UNC5D: variants seen among roughly 807,000 people sequenced by gnomAD.
UNC5D encodes the protein unc-5 netrin receptor D.
UNC5D carries 39 observed loss-of-function variants against 105.4 expected under a neutral mutation model. The ratio of observed to expected loss-of-function variants is 0.37; its 90% CI spans 0.29 to 0.48. The LOEUF (loss-of-function observed/expected upper bound fraction) is 0.48, where lower values mean the gene tolerates loss of function less well. UNC5D is among the 20% of genes least tolerant of loss of function. UNC5D has a pLI of 0.98. For missense variants in UNC5D, 991 were observed against 1,202.4 expected, an observed-to-expected ratio of 0.82 and a Z score of 2.60; for synonymous variants, 452 against 450.4, an observed-to-expected ratio of 1.00 and a Z score of -0.04.
chr8:35,571,913 A>G (rs1182512695), intron 3 of UNC5D, among the ~76,000 whole-genome samples: 1 of 152,182 alleles, frequency 6.6e-6, no homozygotes, highest in South Asian at 2.1e-4. Context: ...AATATTGTTC[A>G]TTAAATTGTT....
At chr8:35,582,411 A>G (rs533583265) in intron 3 of UNC5D, among the ~76,000 whole-genome samples, 1 of 152,332 alleles carries the variant, frequency 6.6e-6, no homozygotes, top group Non-Finnish European at 1.5e-5. Flanking sequence ...GCTACCCAAA[A>G]GGTGAAAAAC....
At chr8:35,643,534 A>T (rs1822876266) in intron 4 of UNC5D, among the ~76,000 whole-genome samples, 1 of 151,950 alleles carries the variant, frequency 6.6e-6, no homozygotes, top group Non-Finnish European at 1.5e-5. Flanking sequence ...TATTTTTAGT[A>T]GAGACAGGGT....
At chr8:35,555,523 A>C (rs1586122167) in intron 2 of UNC5D, among the ~76,000 whole-genome samples, 1 of 152,150 alleles carries the variant, frequency 6.6e-6, no homozygotes, top group African/African-American at 2.4e-5. Context: ...AAGTGTGTAC[A>C]TTGATTTAAA....
chr8:35,263,099 C>T (rs530146505), intron 1 of UNC5D, among the ~76,000 whole-genome samples: 81 of 152,248 alleles, frequency 5.3e-4, no homozygotes, highest in Admixed American at 1.6e-3. Flanking sequence ...CATAGCTCTG[C>T]ACCTTCACAT....
chr8:35,658,081 T>A (rs145308243), intron 4 of UNC5D, among the ~76,000 whole-genome samples: 160 of 152,328 alleles, frequency 1.1e-3, no homozygotes, highest in African/African-American at 3.7e-3. Flanking sequence ...TAATATCTAA[T>A]CCCTAACAGA....
chr8:35,242,110 C>T (rs893530290), intron 1 of UNC5D, among the ~76,000 whole-genome samples: 3 of 152,154 alleles, frequency 2.0e-5, no homozygotes, highest in Non-Finnish European at 4.4e-5. Flanking sequence ...TGCAAAAGAA[C>T]CCTCCTTCCC....
At chr8:35,771,115 T>C (rs1323698450) in intron 15 of UNC5D, among the ~76,000 whole-genome samples, 2 of 152,194 alleles carry the variant, frequency 1.3e-5, no homozygotes, top group African/African-American at 4.8e-5. Flanking sequence ...GACCCACTTA[T>C]TAATGTGTAG....
At chr8:35,624,201 T>C (rs952830882) in intron 4 of UNC5D, among the ~76,000 whole-genome samples, 49 of 152,256 alleles carry the variant, frequency 3.2e-4, no homozygotes, top group African/African-American at 1.2e-3. Context: ...AGATTAGTCA[T>C]CTTCACTCAC....
chr8:35,331,699 AAGG>A (rs2128894265), intron 1 of UNC5D, among the ~76,000 whole-genome samples: 1 of 152,120 alleles, frequency 6.6e-6, no homozygotes, highest in East Asian at 1.9e-4. Flanking sequence ...AGAAGATTTG[AAGG>A]AGAATTGAAC....
At chr8:35,434,230 C>T (rs1040620473) in intron 1 of UNC5D, among the ~76,000 whole-genome samples, 6 of 151,944 alleles carry the variant, frequency 3.9e-5, no homozygotes, top group African/African-American at 7.2e-5. Context: ...CGTATCAGCT[C>T]ATGTATAAAA....
At chr8:35,736,137 T>C (rs73586703) in intron 11 of UNC5D, among the ~76,000 whole-genome samples, 14,803 of 152,134 alleles carry the variant, frequency 0.097, 2,080 homozygotes, top group African/African-American at 0.31. Flanking sequence ...ACCCCCTCCT[T>C]CTGCCAAGCC....
chr8:35,531,007 T>G (rs1400050548), intron 1 of UNC5D, among the ~76,000 whole-genome samples: 1 of 151,154 alleles, frequency 6.6e-6, no homozygotes, highest in Non-Finnish European at 1.5e-5. Flanking sequence ...GCTCCTGGAT[T>G]CATTGATTTT....
chr8:35,264,221 G>T (rs928894327), intron 1 of UNC5D, among the ~76,000 whole-genome samples: 24 of 152,128 alleles, frequency 1.6e-4, no homozygotes, highest in African/African-American at 5.3e-4. Flanking sequence ...TAATCTATTT[G>T]CTCAGGCACT....
chr8:35,586,649 A>G (rs1490041645), intron 3 of UNC5D, among the ~76,000 whole-genome samples: 1 of 152,130 alleles, frequency 6.6e-6, no homozygotes, highest in Admixed American at 6.5e-5. Context: ...TCAGAGAAAT[A>G]TGGGTGGCAA....
intron 1 of UNC5D, among the ~76,000 whole-genome samples, chr8:35,454,847 C>G (rs1808380711): frequency 6.6e-6 from 1 of 152,122 alleles, no homozygotes; most frequent in African/African-American, 2.4e-5. Flanking sequence ...AAAAATTTTC[C>G]TATCTACCGT....
intron 1 of UNC5D, among the ~76,000 whole-genome samples, chr8:35,273,775 G>A (rs1333389144): frequency 6.6e-6 from 1 of 152,150 alleles, no homozygotes; most frequent in Non-Finnish European, 1.5e-5. Flanking sequence ...CATAAAATCG[G>A]TTGCTTTTCC....
chr8:35,346,016 T>A (rs1159341330), intron 1 of UNC5D, among the ~76,000 whole-genome samples: 3 of 152,076 alleles, frequency 2.0e-5, no homozygotes, highest in African/African-American at 7.2e-5. Flanking sequence ...ATTTTTAACA[T>A]GCTGAAATTC....
chr8:35,641,366 C>CAAAAAAAAAAAAAAAAAGA (rs1822707698), intron 4 of UNC5D, among the ~76,000 whole-genome samples: 9 of 44,280 alleles, frequency 2.0e-4, no homozygotes, highest in East Asian at 8.4e-4. Context: ...AAAAATAAAG[C>CAAAAAAAAAAAAAAAAAGA]AAAAAAAAAA....
chr8:35,585,852 G>A (rs1021002660), intron 3 of UNC5D, among the ~76,000 whole-genome samples: 2 of 151,902 alleles, frequency 1.3e-5, no homozygotes, highest in Admixed American at 1.3e-4. Flanking sequence ...ACGTGGCATT[G>A]TCCTTTAATG....
Sources: gnomAD v4.1 joint callset for allele counts (sites outside exome capture counted in the v4.1 genomes callset) on GRCh38, gnomAD v4.1.1 for gene constraint, MANE v1.5 for transcripts, NCBI Gene and HGNC (gene_info 2026-07-23, HGNC 2026-07-21) for gene names.